SFMBT2: variants seen among roughly 807,000 people sequenced by gnomAD.
The protein encoded by SFMBT2 is scm-like with four MBT domains protein 2.
SFMBT2 carries 38 observed loss-of-function variants against 110.1 expected under a neutral mutation model. The observed-to-expected ratio is 0.35, with a 90% CI of 0.27 to 0.45. SFMBT2 has a LOEUF of 0.45. SFMBT2 is among the 20% of genes least tolerant of loss of function. SFMBT2 has a pLI of 1.00. For synonymous variants in SFMBT2, 425 were observed against 425.4 expected, an observed-to-expected ratio of 1.00 and a Z score of 0.01; for missense variants, 1,011 against 1,094.9, an observed-to-expected ratio of 0.92 and a Z score of 1.08.
chr10:7,300,373 G>A (rs1842524875), intron 4 of SFMBT2, among the ~76,000 whole-genome samples: 1 of 152,006 alleles, frequency 6.6e-6, no homozygotes, highest in Non-Finnish European at 1.5e-5. Context: ...AATATCCTAG[G>A]GAGTATCTGC....
chr10:7,356,043 C>T lies in SFMBT2; in HGVS notation c.436+11606G>A, dbSNP rs138385335. On this transcript the variant is annotated intron_variant, in intron 4 of 20. Transcript: ENST00000397167. ...AACTCACAAAATCACAGCATTCGGA[C>T]ACAGGTCTTTTTTCCCAAGGGCACA... Among the ~76,000 whole-genome samples the T allele has an allele frequency of 4.0e-3, 605 of 152,322 alleles. 7 individuals carry two copies. The highest frequency in any genetic ancestry group is 0.014 in the African/African-American group (570 of 41,556).
At position 7,158,982 on chromosome 10, in the gene SFMBT2, G is replaced by C. The variant is rs1837482044; in HGVS notation, c.*4788C>G. 6.6e-6 allele frequency: 1 copy of C among 152,148 alleles called. No individual in the cohort carries two copies. Among genetic ancestry groups the C allele is most frequent in the African/African-American group, 2.4e-5 (1 of 41,446 alleles). The allele number at this position is 152,148 out of a possible 1,614,324, so 9.4% of individuals were successfully genotyped here. A position where few individuals can be genotyped will look rare whatever the true frequency, so the allele number is the denominator to read the frequency against. On this transcript the variant is annotated 3_prime_UTR_variant, in exon 21 of 21. Transcript: ENST00000397167. ...GAGATCATGCTGGCTCCTGTTTCAAGCAAGTGAGATGATTATCTTTTTCTG... is the reference window on the plus strand; with the variant it reads ...GAGATCATGCTGGCTCCTGTTTCAACCAAGTGAGATGATTATCTTTTTCTG...
chr10:7,321,595 T>C (rs1247294105), intron 4 of SFMBT2, among the ~76,000 whole-genome samples: 1 of 152,180 alleles, frequency 6.6e-6, no homozygotes, highest in Admixed American at 6.5e-5. Flanking sequence ...ACCAAATCAT[T>C]AAGAAAACTG....
chr10:7,325,791 T>C (rs528037350), intron 4 of SFMBT2, among the ~76,000 whole-genome samples: 1 of 152,340 alleles, frequency 6.6e-6, no homozygotes, highest in East Asian at 1.9e-4. Context: ...GGTAACGGTT[T>C]ACTCTTTGGG....
intron 9 of SFMBT2, among the ~76,000 whole-genome samples, chr10:7,230,026 T>G (rs1564396235): frequency 6.6e-6 from 1 of 151,772 alleles, no homozygotes; most frequent in Non-Finnish European, 1.5e-5. Context: ...CCTATATATA[T>G]ATATATATAT....
intron 1 of SFMBT2, among the ~76,000 whole-genome samples, chr10:7,400,504 T>C (rs1846048127): frequency 6.6e-6 from 1 of 152,068 alleles, no homozygotes; most frequent in Admixed American, 6.5e-5. Context: ...AACGCCAAAT[T>C]ACTCCACAGC....
chr10:7,343,093 TG>T (rs1367054215), intron 4 of SFMBT2, among the ~76,000 whole-genome samples: 1 of 152,240 alleles, frequency 6.6e-6, no homozygotes, highest in Non-Finnish European at 1.5e-5. Context: ...TATGTCCATT[TG>T]TACTCACTAT....
At chr10:7,400,189 C>T (rs1259002533) in intron 1 of SFMBT2, among the ~76,000 whole-genome samples, 4 of 152,160 alleles carry the variant, frequency 2.6e-5, no homozygotes, top group Non-Finnish European at 5.9e-5. Context: ...AAGACCTAAT[C>T]TCATCACTTG....
chr10:7,164,724 A>G (rs1837648019), intron 20 of SFMBT2, among the ~76,000 whole-genome samples: 1 of 151,090 alleles, frequency 6.6e-6, no homozygotes, highest in Non-Finnish European at 1.5e-5. Context: ...TGCCAACGAC[A>G]GCACAGGTTT....
chr10:7,193,950 G>A (rs1035920772), intron 15 of SFMBT2, among the ~76,000 whole-genome samples: 2 of 152,100 alleles, frequency 1.3e-5, no homozygotes, highest in Non-Finnish European at 2.9e-5. Flanking sequence ...GAAGGATTTG[G>A]GATAGAAAAA....
rs1837926573 is a variant in SFMBT2 at position 7,172,726 on chromosome 10, G to A, written c.1985-65C>T. The A allele has an allele frequency of 2.0e-6, 3 of 1,506,912 alleles. No individual in the cohort carries two copies. Among genetic ancestry groups the A allele is most frequent in the African/African-American group, 1.4e-5 (1 of 71,142 alleles). The allele number at this position is 1,506,912 out of a possible 1,614,324, so 93.3% of individuals were successfully genotyped here. On this transcript the variant is annotated intron_variant, in intron 17 of 20. Transcript: ENST00000397167. The surrounding 1 kb of genome is among the most constrained non-coding windows in gnomAD (Gnocchi z 4.6). ...CACACACAGACATGAACAGAGAGAG[G>A]AGAGAGAAAGAAGGGAAACGATTCT...
At position 7,347,946 on chromosome 10, in the gene SFMBT2, G is replaced by A. The variant is rs538597223; in HGVS notation, c.436+19703C>T. 2.0e-5 allele frequency among the ~76,000 whole-genome samples: 3 copies of A among 152,164 alleles called. No individual in the cohort carries two copies. The South Asian group carries it at 6.2e-4, about 32-fold the overall frequency. ...ACTTACAAATCTAAAGATCCATTTG[G>A]GATCTAAAATTAATTTTGATGGGCT... On this transcript the variant is annotated intron_variant, in intron 4 of 20. Transcript: ENST00000397167.
chr10:7,299,834 A>G, intron 4 of SFMBT2, among the ~76,000 whole-genome samples: 1 of 152,208 alleles, frequency 6.6e-6, no homozygotes, highest in South Asian at 2.1e-4. Context: ...ATTCTACTTT[A>G]AAGACACATG....
chr10:7,210,843 G>A lies in SFMBT2; in HGVS notation c.1331-4915C>T, dbSNP rs2692820. On this transcript the variant is annotated intron_variant, in intron 11 of 20. Coordinates refer to ENST00000397167, the MANE Select transcript of SFMBT2 (RefSeq NM_001387889.1). The stretch of plus-strand genomic sequence containing the variant: ...AAAAACAAAACCAAAAACGGTGGGC[G>A]AAACTGGTGGCCAGGATCAAGGTAT... Among the ~76,000 whole-genome samples, 1,323 of 152,000 alleles carry A rather than the reference G, an allele frequency of 8.7e-3. 25 individuals carry two copies. The highest frequency in any genetic ancestry group is 0.029 in the African/African-American group (1,183 of 41,460).
intron 4 of SFMBT2, among the ~76,000 whole-genome samples, chr10:7,327,007 C>T (rs1338999398): frequency 2.0e-5 from 3 of 152,148 alleles, no homozygotes; most frequent in Non-Finnish European, 2.9e-5. Context: ...CCATGCCCTG[C>T]GGACTACCAT....
At chr10:7,365,916 TA>T (rs1194897706) in intron 4 of SFMBT2, among the ~76,000 whole-genome samples, 1 of 152,204 alleles carries the variant, frequency 6.6e-6, no homozygotes, top group African/African-American at 2.4e-5. Flanking sequence ...GTGAATATAC[TA>T]AAAAATCACT....
intron 9 of SFMBT2, among the ~76,000 whole-genome samples, chr10:7,229,591 T>C (rs1840050157): frequency 1.0e-5 from 1 of 95,412 alleles, no homozygotes; most frequent in Non-Finnish European, 2.2e-5. Context: ...CAAGACTCCA[T>C]CTCAAAAAAA....
intron 4 of SFMBT2, among the ~76,000 whole-genome samples, chr10:7,321,403 G>A (rs527469275): frequency 6.0e-4 from 91 of 152,192 alleles, no homozygotes; most frequent in African/African-American, 2.2e-3. Flanking sequence ...GGGTTTCACT[G>A]TGTTAGCCAG....
intron 4 of SFMBT2, among the ~76,000 whole-genome samples, chr10:7,340,676 A>T (rs908268353): frequency 6.6e-6 from 1 of 150,704 alleles, no homozygotes; most frequent in African/African-American, 2.4e-5. Flanking sequence ...AAAAAAAAAA[A>T]TACTGCAAAA....
Sources: gnomAD v4.1 joint callset for allele counts (sites outside exome capture counted in the v4.1 genomes callset) on GRCh38, gnomAD v4.1.1 for gene constraint, Gnocchi (gnomAD v3.1) non-coding constraint, MANE v1.5 for transcripts, NCBI Gene and HGNC (gene_info 2026-07-23, HGNC 2026-07-21) for gene names.